Variants in CDH13 observed in about 807,000 individuals in gnomAD.
The protein encoded by CDH13 is cadherin-13.
Under a neutral mutation model 63.8 loss-of-function variants are expected in CDH13, and 24 were observed. The observed-to-expected ratio is 0.38, with a 90% confidence interval of 0.27 to 0.53. CDH13 has a LOEUF of 0.53. CDH13 is among the 20% of genes least tolerant of loss of function. The pLI, the probability that CDH13 is intolerant of heterozygous loss-of-function variation, is 0.85. For missense variants in CDH13, 1,049 were observed against 903.1 expected, an observed-to-expected ratio of 1.16 and a Z score of -2.07; for synonymous variants, 503 against 355.3, an observed-to-expected ratio of 1.42 and a Z score of -4.67.
At chr16:82,735,929 C>G (rs114436159) in intron 1 of CDH13, among the ~76,000 whole-genome samples, 85 of 152,292 alleles carry the variant, frequency 5.6e-4, no homozygotes, top group African/African-American at 2.0e-3. Context: ...ACGAGAAAAA[C>G]CAGACGCTAT....
intron 1 of CDH13, among the ~76,000 whole-genome samples, chr16:82,680,737 T>G (rs751599171): frequency 1.3e-5 from 2 of 152,134 alleles, no homozygotes; most frequent in African/African-American, 2.4e-5. Context: ...GAAGGAACTT[T>G]CCGTACTTGA....
At chr16:82,705,899 GGCA>G (rs2031448110) in intron 1 of CDH13, among the ~76,000 whole-genome samples, 1 of 152,100 alleles carries the variant, frequency 6.6e-6, no homozygotes, top group South Asian at 2.1e-4. Context: ...TTAGTCATCT[GGCA>G]TATTATTTAA....
At chr16:82,705,168 T>G in intron 1 of CDH13, 1 of 455,968 alleles carries the variant, frequency 2.2e-6, no homozygotes, top group South Asian at 1.5e-5. Flanking sequence ...AGGATCCAGG[T>G]AAACAGATTG....
chr16:82,851,879 C>G (rs999660432), intron 1 of CDH13, among the ~76,000 whole-genome samples: 1 of 152,178 alleles, frequency 6.6e-6, no homozygotes, highest in Non-Finnish European at 1.5e-5. Flanking sequence ...TTCTTCCTCA[C>G]AAATCTAAGA....
intron 5 of CDH13, among the ~76,000 whole-genome samples, chr16:83,254,352 G>A (rs565333685): frequency 1.5e-4 from 23 of 152,308 alleles, no homozygotes; most frequent in African/African-American, 5.1e-4. Context: ...GAAGCCTCAT[G>A]CACAGAGTGT....
intron 8 of CDH13, among the ~76,000 whole-genome samples, chr16:83,605,984 G>T (rs1372319000): frequency 6.6e-6 from 1 of 152,222 alleles, no homozygotes; most frequent in East Asian, 1.9e-4. Flanking sequence ...AACCTGCTGG[G>T]GAGAGGAGAG....
At chr16:82,857,078 C>T (rs1429778541) in intron 1 of CDH13, among the ~76,000 whole-genome samples, 2 of 152,252 alleles carry the variant, frequency 1.3e-5, no homozygotes, top group African/African-American at 4.8e-5. Context: ...AAGTCCTGCA[C>T]GTTGACACAG....
chr16:83,324,016 A>G (rs1274614521), intron 5 of CDH13, among the ~76,000 whole-genome samples: 2 of 149,314 alleles, frequency 1.3e-5, no homozygotes, highest in Non-Finnish European at 3.0e-5. Flanking sequence ...TGCAACCATC[A>G]TCACAGGTTT....
intron 5 of CDH13, among the ~76,000 whole-genome samples, chr16:83,259,141 C>T (rs560377823): frequency 6.6e-6 from 1 of 152,092 alleles, no homozygotes; most frequent in South Asian, 2.1e-4. Context: ...GATGGGAGGC[C>T]GGCTGAGGGG....
intron 2 of CDH13, among the ~76,000 whole-genome samples, chr16:82,934,364 G>C (rs1432277221): frequency 1.3e-5 from 2 of 152,186 alleles, no homozygotes; most frequent in African/African-American, 2.4e-5. Context: ...CTGGGACACA[G>C]AGCACTAAGT....
Position 83,795,142 on chromosome 16 carries a change from C to A in CDH13, c.*112C>A, listed in dbSNP as rs1054019490. The A allele has an allele frequency of 2.4e-6, 2 of 837,288 alleles. No individual in the cohort carries two copies. The highest frequency in any genetic ancestry group is 1.7e-5 in the African/African-American group (1 of 57,950). 51.9% of individuals were successfully genotyped at this position (837,288 alleles called of 1,614,324 possible). A position where few individuals can be genotyped will look rare whatever the true frequency, so the allele number is the denominator to read the frequency against. Reference sequence around the variant, plus strand: ...ACAGCTATCGAACTTCACAACTAGGCCTCAATTGTTCCGGTTTTTTATTTT... The same window carrying A: ...ACAGCTATCGAACTTCACAACTAGGACTCAATTGTTCCGGTTTTTTATTTT... On this transcript the variant is annotated 3_prime_UTR_variant, in exon 14 of 14. Coordinates refer to ENST00000567109, the MANE Select transcript of CDH13 (RefSeq NM_001257.5).
chr16:82,847,308 C>T (rs987750621), intron 1 of CDH13, among the ~76,000 whole-genome samples: 3 of 152,186 alleles, frequency 2.0e-5, no homozygotes, highest in Non-Finnish European at 4.4e-5. Context: ...AAATGGGCTT[C>T]ACTGGACTAA....
chr16:82,977,731 G>A (rs962543945), intron 2 of CDH13, among the ~76,000 whole-genome samples: 1 of 152,168 alleles, frequency 6.6e-6, no homozygotes, highest in Non-Finnish European at 1.5e-5. Flanking sequence ...AGGGAGCAGG[G>A]TGCTGCTCTA....
intron 8 of CDH13, among the ~76,000 whole-genome samples, chr16:83,611,487 A>G (rs1211070834): frequency 5.3e-5 from 8 of 151,838 alleles, no homozygotes; most frequent in Non-Finnish European, 1.5e-5. Context: ...TAATCTTTTC[A>G]AAGAAACTAC....
In CDH13 at chr16:83,375,937, A is replaced by T. The variant is rs146001795; in HGVS notation, c.781+30931A>T. 5.9e-5 allele frequency among the ~76,000 whole-genome samples: 9 copies of T among 152,252 alleles called. No homozygotes were observed. In the South Asian group the frequency reaches 8.3e-4, roughly 14 times the overall value. On this transcript the variant is annotated intron_variant, in intron 6 of 13. Transcript: ENST00000567109. ...GAGAGGCAGACGTCATGCAGAGTGT[A>T]TGCATTAGGACTATTAGGGTGAGTT...
intron 1 of CDH13, among the ~76,000 whole-genome samples, chr16:82,748,977 T>A (rs1340315037): frequency 6.6e-6 from 1 of 152,180 alleles, no homozygotes; most frequent in Non-Finnish European, 1.5e-5. Flanking sequence ...GACCAATATA[T>A]GGCAAATGAG....
chr16:83,392,268 A>G (rs2091802895), intron 6 of CDH13, among the ~76,000 whole-genome samples: 1 of 152,172 alleles, frequency 6.6e-6, no homozygotes, highest in Admixed American at 6.5e-5. Context: ...TGCATGGAGG[A>G]GGTTAAATAA....
chr16:82,782,729 C>T lies in CDH13; in HGVS notation c.46-75633C>T, dbSNP rs781448802. On this transcript the variant is annotated intron_variant, in intron 1 of 13. Transcript: ENST00000567109. The stretch of plus-strand genomic sequence containing the variant: ...AAAATGCCAAGAACAAAAGCAGCTT[C>T]ACGACCAAGCACATGCTGGAATCCG... Among the ~76,000 whole-genome samples, 148 of 152,282 alleles carry T rather than the reference C, an allele frequency of 9.7e-4. 1 individual carries two copies. Among genetic ancestry groups the T allele is most frequent in the Admixed American group, 1.9e-3 (29 of 15,300 alleles).
At chr16:83,117,725 G>A (rs1045465647) in intron 3 of CDH13, among the ~76,000 whole-genome samples, 3 of 152,202 alleles carry the variant, frequency 2.0e-5, no homozygotes, top group East Asian at 1.9e-4. Context: ...TCCTTCTCAC[G>A]TTCTTTTTCT....
Sources: allele counts gnomAD v4.1 joint callset (sites outside exome capture counted in the v4.1 genomes callset), GRCh38; gene constraint gnomAD v4.1.1; transcripts MANE v1.5; gene names NCBI Gene and HGNC (gene_info 2026-07-23, HGNC 2026-07-21).